Variants in PIGU observed in about 807,000 individuals in gnomAD.
PIGU encodes phosphatidylinositol glycan anchor biosynthesis class U.
A neutral mutation model predicts 49.9 loss-of-function variants in PIGU; 24 were observed. The ratio of observed to expected loss-of-function variants is 0.48; its 90% CI spans 0.35 to 0.68. The LOEUF is 0.68. Among genes scored for constraint, PIGU ranks in the 30% least tolerant of loss-of-function variants. The pLI, the probability that PIGU is intolerant of heterozygous loss-of-function variation, is 0.01. For missense variants in PIGU, 490 were observed against 532.6 expected (o/e 0.92, Z 0.79); for synonymous variants, 220 against 205.7 (o/e 1.07, Z -0.59).
intron 1 of PIGU, among the ~76,000 whole-genome samples, chr20:34,663,582 G>A (rs537576006): frequency 5.3e-5 from 8 of 152,224 alleles, no homozygotes; most frequent in Admixed American, 2.0e-4. Flanking sequence ...CCCTAAAGAA[G>A]GTAGGGTAGT....
At chr20:34,620,414 T>C (rs1445486629) in intron 6 of PIGU, among the ~76,000 whole-genome samples, 2 of 152,164 alleles carry the variant, frequency 1.3e-5, no homozygotes, top group African/African-American at 4.8e-5. Flanking sequence ...GGTCACTTTG[T>C]CTATGAGCCC....
chr20:34,595,146 A>T (rs959071748), intron 7 of PIGU, among the ~76,000 whole-genome samples: 4 of 151,156 alleles, frequency 2.6e-5, no homozygotes, highest in Admixed American at 1.3e-4. Flanking sequence ...ATATACATGT[A>T]TCTATTCACT....
intron 1 of PIGU, among the ~76,000 whole-genome samples, chr20:34,659,128 G>A (rs1284090634): frequency 3.1e-5 from 4 of 127,722 alleles, no homozygotes; most frequent in Admixed American, 1.5e-4. Flanking sequence ...GGTGAGGGGC[G>A]CCTCTGCCCG....
chr20:34,649,310 C>T (rs1056171171), intron 2 of PIGU, among the ~76,000 whole-genome samples: 1 of 151,866 alleles, frequency 6.6e-6, no homozygotes, highest in Non-Finnish European at 1.5e-5. Context: ...CTGATTCTGC[C>T]TCGTTCTGTC....
chr20:34,664,038 T>G (rs1226869063), intron 1 of PIGU, among the ~76,000 whole-genome samples: 1 of 152,240 alleles, frequency 6.6e-6, no homozygotes, highest in East Asian at 1.9e-4. Context: ...GTTAGTGTAT[T>G]CTCTGGCAAA....
chr20:34,590,572 G>A (rs1163390041), intron 7 of PIGU, among the ~76,000 whole-genome samples: 5 of 120,920 alleles, frequency 4.1e-5, no homozygotes, highest in South Asian at 2.7e-4. Context: ...ATAAAATAGC[G>A]TAACGTAACA....
chr20:34,563,418 T>C (rs1982609925), intron 11 of PIGU, among the ~76,000 whole-genome samples: 1 of 150,270 alleles, frequency 6.7e-6, no homozygotes. Context: ...AAATACAAAA[T>C]TAGCCGGGCA....
Position 34,677,065 on chromosome 20 carries a change from C to G in PIGU, c.21G>C (p.Leu7=), listed in dbSNP as rs779736379. ...GCACTGTCACAGCCACCACCAGCAC[C>G]AGGACCAAGGGAGCCGCCATGATAA... MAAPLV[L]VLVVAVTVRA... is the part of the protein sequence containing the mutation. Residue 7 remains leucine (L), a synonymous_variant, in exon 1 of 12, where the codon CTG becomes CTC. Transcript: ENST00000217446. The G allele has an allele frequency of 4.1e-5, 64 of 1,567,722 alleles. No homozygotes were observed. Among genetic ancestry groups the G allele is most frequent in the Non-Finnish European group, 5.4e-5 (62 of 1,156,770 alleles).
chr20:34,663,771 G>A (rs572719199), intron 1 of PIGU, among the ~76,000 whole-genome samples: 86 of 152,112 alleles, frequency 5.7e-4, no homozygotes, highest in African/African-American at 2.0e-3. Flanking sequence ...GACCCAAGGA[G>A]ATAATTCATC....
At chr20:34,601,719 T>C (rs1227476146) in intron 7 of PIGU, among the ~76,000 whole-genome samples, 1 of 152,230 alleles carries the variant, frequency 6.6e-6, no homozygotes, top group Non-Finnish European at 1.5e-5. Context: ...CTTGTGTCAA[T>C]GAGCTTTCTT....
At chr20:34,574,089 G>A (rs747888082) in intron 11 of PIGU, among the ~76,000 whole-genome samples, 1 of 152,220 alleles carries the variant, frequency 6.6e-6, no homozygotes, top group Non-Finnish European at 1.5e-5. Context: ...GCCTGGCTGT[G>A]CCAATGGCAA....
At chr20:34,600,756 C>T (rs971435990) in intron 7 of PIGU, among the ~76,000 whole-genome samples, 3 of 152,030 alleles carry the variant, frequency 2.0e-5, no homozygotes, top group African/African-American at 7.2e-5. Flanking sequence ...AGTTATTGGC[C>T]GGGCACGGTG....
At chr20:34,668,694 G>A (rs181509365) in intron 1 of PIGU, among the ~76,000 whole-genome samples, 24 of 150,558 alleles carry the variant, frequency 1.6e-4, no homozygotes, top group East Asian at 3.9e-4. Context: ...GCATGAAACC[G>A]GAAGGCGGAG....
At chr20:34,590,572 GTAACGTAACATAACA>G (rs1190227278) in intron 7 of PIGU, among the ~76,000 whole-genome samples, 9 of 120,920 alleles carry the variant, frequency 7.4e-5, no homozygotes, top group Non-Finnish European at 1.4e-4. Flanking sequence ...ATAAAATAGC[GTAACGTAACATAACA>G]TAACATAACA....
At chr20:34,606,179 T>C (rs1984604716) in intron 7 of PIGU, among the ~76,000 whole-genome samples, 1 of 147,842 alleles carries the variant, frequency 6.8e-6, no homozygotes, top group African/African-American at 2.5e-5. Flanking sequence ...CGCTTGAACC[T>C]GAGAGGCGGA....
rs201845397 is a variant in PIGU at position 34,634,623 on chromosome 20, G to A, written c.521C>T (p.Thr174Met). The A allele has an allele frequency of 3.8e-5, 61 of 1,612,174 alleles. No homozygotes were observed. In the South Asian group the frequency reaches 5.6e-4, roughly 15 times the overall value. The change falls in exon 6 of 12, where the codon ACG (threonine) becomes ATG (methionine). Residue 174 changes from threonine (T) to methionine (M), a missense_variant. By Grantham distance (81) the Thr-to-Met change is moderately conservative. Transcript: ENST00000217446. Reference protein sequence around the residue: ...NTLIAFFILTTIKGSAFLSAI... With the variant: ...NTLIAFFILTMIKGSAFLSAI... ...TCCTTTCAGGGCCTTACCTTTTATC[G>A]TAGTCAAAATGAAGAAAGCAATGAG...
chr20:34,639,643 T>G lies in PIGU; in HGVS notation c.319-1658A>C, dbSNP rs188843725. Reference sequence around the variant, plus strand: ...TTTGCATGTCTTAGGTCTTTCAAAATTAAAAAAAAATTAACCAAAAAATAT... The same window carrying G: ...TTTGCATGTCTTAGGTCTTTCAAAAGTAAAAAAAAATTAACCAAAAAATAT... On this transcript the variant is annotated intron_variant, in intron 4 of 11. Transcript: ENST00000217446. 1.3e-4 allele frequency among the ~76,000 whole-genome samples: 20 copies of G among 152,156 alleles called. No individual in the cohort carries two copies. The East Asian group carries it at 3.7e-3, about 28-fold the overall frequency.
At chr20:34,584,493 C>A (rs1431868886) in intron 9 of PIGU, among the ~76,000 whole-genome samples, 1 of 148,900 alleles carries the variant, frequency 6.7e-6, no homozygotes, top group African/African-American at 2.5e-5. Context: ...CTCCCCTCCA[C>A]AACTCCTGTT....
At chr20:34,575,068 C>T (rs774886043) in intron 11 of PIGU, 36 bp downstream of exon 11, 4 of 1,608,736 alleles carry the variant, frequency 2.5e-6, no homozygotes, top group Non-Finnish European at 3.4e-6. Flanking sequence ...AAATGAATTC[C>T]TGTCCCCAAG....
Sources: gnomAD v4.1 joint callset for allele counts (sites outside exome capture counted in the v4.1 genomes callset) on GRCh38, gnomAD v4.1.1 for gene constraint, MANE v1.5 for transcripts, NCBI Gene and HGNC (gene_info 2026-07-23, HGNC 2026-07-21) for gene names.